The following RASGRP1 variants were observed in gnomAD, a reference collection of about 807,000 sequenced individuals.
RASGRP1 encodes the protein RAS guanyl releasing protein 1.
RASGRP1 carries 37 observed loss-of-function variants against 95.1 expected under a neutral mutation model. The ratio of observed to expected loss-of-function variants is 0.39; its 90% CI spans 0.30 to 0.51. The LOEUF is 0.51. Among genes scored for constraint, RASGRP1 ranks in the 20% least tolerant of loss-of-function variants. The pLI, the probability that RASGRP1 is intolerant of heterozygous loss-of-function variation, is 0.80. For synonymous variants in RASGRP1, 325 were observed against 353.4 expected (o/e 0.92, Z 0.90); for missense variants, 711 against 965.4 (o/e 0.74, Z 3.49).
intron 2 of RASGRP1, among the ~76,000 whole-genome samples, chr15:38,546,789 G>A (rs542801053): frequency 6.6e-6 from 1 of 152,216 alleles, no homozygotes; most frequent in African/African-American, 2.4e-5. Flanking sequence ...GAAGACACAC[G>A]ACACTACTGA....
At chr15:38,519,283 T>C (rs1490825271) in intron 4 of RASGRP1, 26 bp downstream of exon 4, 3 of 1,511,962 alleles carry the variant, frequency 2.0e-6, no homozygotes, top group South Asian at 2.3e-5. Flanking sequence ...CTCCACAAAG[T>C]CTTGAAATAC....
At chr15:38,553,743 G>T (rs933645638) in intron 2 of RASGRP1, among the ~76,000 whole-genome samples, 3 of 152,196 alleles carry the variant, frequency 2.0e-5, no homozygotes, top group Non-Finnish European at 2.9e-5. Context: ...GTTGAGAAGA[G>T]ATAGGAATGC....
At chr15:38,540,070 C>T (rs983129649) in intron 2 of RASGRP1, among the ~76,000 whole-genome samples, 2 of 152,120 alleles carry the variant, frequency 1.3e-5, no homozygotes, top group African/African-American at 4.8e-5. Context: ...GCACACATCA[C>T]CATGCCAGGC....
At chr15:38,510,702 G>A (rs1046494443) in intron 8 of RASGRP1, among the ~76,000 whole-genome samples, 1 of 152,248 alleles carries the variant, frequency 6.6e-6, no homozygotes, top group Non-Finnish European at 1.5e-5. Flanking sequence ...GCTCATGCCT[G>A]TAATTCCAAT....
chr15:38,524,849 T>C (rs1409950465), intron 3 of RASGRP1, among the ~76,000 whole-genome samples: 3 of 151,522 alleles, frequency 2.0e-5, no homozygotes, highest in Non-Finnish European at 4.4e-5. Flanking sequence ...GGGTGATAGC[T>C]GGTGGAGTAA....
At chr15:38,547,209 T>C (rs1434249444) in intron 2 of RASGRP1, among the ~76,000 whole-genome samples, 1 of 152,220 alleles carries the variant, frequency 6.6e-6, no homozygotes, top group African/African-American at 2.4e-5. Context: ...CATTTACTTT[T>C]TGACTTCGTA....
chr15:38,558,251 G>A (rs923495442), intron 2 of RASGRP1, among the ~76,000 whole-genome samples: 4 of 152,072 alleles, frequency 2.6e-5, no homozygotes, highest in East Asian at 1.9e-4. Context: ...CACGTCAGCC[G>A]CGCCTCCCCG....
At chr15:38,541,758 G>A (rs150325505) in intron 2 of RASGRP1, among the ~76,000 whole-genome samples, 1 of 152,168 alleles carries the variant, frequency 6.6e-6, no homozygotes, top group Non-Finnish European at 1.5e-5. Context: ...CACTGTGATA[G>A]GTACTGTGGG....
At chr15:38,517,301 A>G (rs1482781519) in intron 5 of RASGRP1, among the ~76,000 whole-genome samples, 1 of 152,228 alleles carries the variant, frequency 6.6e-6, no homozygotes, top group Non-Finnish European at 1.5e-5. Context: ...CAGCTAGGAA[A>G]TACTGGGACA....
intron 10 of RASGRP1, chr15:38,504,330 C>T (rs573276861): frequency 1.3e-5 from 2 of 152,130 alleles, no homozygotes; most frequent in Non-Finnish European, 2.9e-5. Context: ...TTAACTTTTA[C>T]TCTTTTGTTA....
intron 2 of RASGRP1, among the ~76,000 whole-genome samples, chr15:38,547,845 CTG>C (rs990259867): frequency 2.2e-4 from 33 of 151,974 alleles, no homozygotes; most frequent in East Asian, 5.8e-4. Flanking sequence ...CTGCTCAAAA[CTG>C]TGTGTGTGTG....
Position 38,490,603 on chromosome 15 carries a change from T to G in RASGRP1, c.2345A>C (p.Glu782Ala). ...TTGAGCTAAGACATGATTGCTTTTTTCAAGCTGGAGGGATTCTATTTTCTT... is the reference window on the plus strand; with the variant it reads ...TTGAGCTAAGACATGATTGCTTTTTGCAAGCTGGAGGGATTCTATTTTCTT... Reference protein sequence around the residue: ...AQKKIESLQLEKSNHVLAQME... With the variant: ...AQKKIESLQLAKSNHVLAQME... The change falls in exon 17 of 17, where the codon GAA (glutamate) becomes GCA (alanine). Residue 782 changes from glutamate to alanine, a missense_variant. By Grantham distance (107) the Glu-to-Ala change is moderately radical. Around this residue, in one of 3 missense-constraint regions of RASGRP1, gnomAD observed 212 missense variants for 247.8 expected, o/e 0.86. Coordinates refer to ENST00000310803, the MANE Select transcript of RASGRP1 (RefSeq NM_005739.4). 1.2e-6 allele frequency: 2 copies of G among 1,613,558 alleles called. No individual in the cohort carries two copies. The highest frequency in any genetic ancestry group is 1.7e-6 in the Non-Finnish European group (2 of 1,179,584).
intron 2 of RASGRP1, among the ~76,000 whole-genome samples, chr15:38,533,876 G>A (rs1892537369): frequency 6.6e-6 from 1 of 152,224 alleles, no homozygotes; most frequent in Admixed American, 6.5e-5. Context: ...TTTGCATGGT[G>A]TAAATACTTC....
At chr15:38,553,800 G>C (rs749901156) in intron 2 of RASGRP1, among the ~76,000 whole-genome samples, 6 of 152,182 alleles carry the variant, frequency 3.9e-5, no homozygotes, top group African/African-American at 1.4e-4. Flanking sequence ...CCTGCTCTTA[G>C]GCAGGGATCT....
chr15:38,564,010 CA>C (rs1893919443), intron 1 of RASGRP1, among the ~76,000 whole-genome samples: 1 of 152,236 alleles, frequency 6.6e-6, no homozygotes, highest in African/African-American at 2.4e-5. Context: ...TTCTGTTATC[CA>C]AGACCCTCTA....
chr15:38,549,371 T>C (rs990835425), intron 2 of RASGRP1, among the ~76,000 whole-genome samples: 5 of 152,222 alleles, frequency 3.3e-5, no homozygotes, highest in Non-Finnish European at 5.9e-5. Flanking sequence ...TCCAGCAAGA[T>C]AGACTCATAG....
chr15:38,497,319 G>T (rs1200689362), intron 15 of RASGRP1, among the ~76,000 whole-genome samples: 1 of 151,686 alleles, frequency 6.6e-6, no homozygotes, highest in Non-Finnish European at 1.5e-5. Context: ...ATACAGACAG[G>T]CACCTGTCAT....
chr15:38,538,089 C>T (rs1262656942), intron 2 of RASGRP1, among the ~76,000 whole-genome samples: 1 of 152,112 alleles, frequency 6.6e-6, no homozygotes, highest in African/African-American at 2.4e-5. Flanking sequence ...CATGACAAAA[C>T]CTCGTCTCTA....
At chr15:38,493,374 C>T (rs1890671447) in intron 16 of RASGRP1, among the ~76,000 whole-genome samples, 2 of 151,772 alleles carry the variant, frequency 1.3e-5, no homozygotes, top group South Asian at 2.1e-4. Context: ...GACGGGGTTT[C>T]ACCACGTTGG....
Sources: allele counts gnomAD v4.1 joint callset (sites outside exome capture counted in the v4.1 genomes callset), GRCh38; gene constraint gnomAD v4.1.1; regional missense constraint gnomAD v4.1.1; transcripts MANE v1.5; gene names NCBI Gene and HGNC (gene_info 2026-07-23, HGNC 2026-07-21).